The following THSD7A variants were observed in gnomAD, a reference collection of about 807,000 sequenced individuals.
The protein encoded by THSD7A is thrombospondin type-1 domain-containing protein 7A.
THSD7A carries 96 observed loss-of-function variants against 231.3 expected under a neutral mutation model. That is an observed-to-expected ratio of 0.41 (90% confidence interval 0.35 to 0.49). The LOEUF is 0.49. THSD7A is among the 20% of genes least tolerant of loss of function. THSD7A has a pLI of 0.05. For synonymous variants in THSD7A, 940 were observed against 743.3 expected, an observed-to-expected ratio of 1.26 and a Z score of -4.30; for missense variants, 2,290 against 2,070.2, an observed-to-expected ratio of 1.11 and a Z score of -2.06.
chr7:11,700,641 T>A (rs1161654738), intron 1 of THSD7A, among the ~76,000 whole-genome samples: 1 of 151,212 alleles, frequency 6.6e-6, no homozygotes, highest in Non-Finnish European at 1.5e-5. Context: ...TGAAAGTAGA[T>A]GAAGAACTAA....
intron 4 of THSD7A, among the ~76,000 whole-genome samples, chr7:11,544,042 TA>T (rs967229874): frequency 1.3e-5 from 2 of 151,924 alleles, no homozygotes; most frequent in African/African-American, 2.4e-5. Context: ...GCTTTTGTTT[TA>T]AAAAAAAATC....
At chr7:11,501,644 A>T (rs1787340472) in intron 6 of THSD7A, among the ~76,000 whole-genome samples, 1 of 152,202 alleles carries the variant, frequency 6.6e-6, no homozygotes, top group Non-Finnish European at 1.5e-5. Flanking sequence ...TTAAGAGGAA[A>T]ATTCATAGCA....
At chr7:11,749,921 G>C (rs1273128439) in intron 1 of THSD7A, among the ~76,000 whole-genome samples, 8 of 151,998 alleles carry the variant, frequency 5.3e-5, no homozygotes, top group Admixed American at 5.3e-4. Context: ...TCACCACTGA[G>C]GCTGTATGAA....
intron 16 of THSD7A, among the ~76,000 whole-genome samples, chr7:11,421,980 G>GT (rs1562596896): frequency 6.6e-6 from 1 of 152,078 alleles, no homozygotes; most frequent in Admixed American, 6.6e-5. Flanking sequence ...AAATTCCTTT[G>GT]TTTTCTCCAA....
chr7:11,809,167 T>TA (rs1784467627), intron 1 of THSD7A, among the ~76,000 whole-genome samples: 1 of 152,144 alleles, frequency 6.6e-6, no homozygotes, highest in African/African-American at 2.4e-5. Flanking sequence ...AGTCCACATT[T>TA]AAATGATAAG....
At chr7:11,598,086 T>C (rs1780428523) in intron 2 of THSD7A, among the ~76,000 whole-genome samples, 1 of 152,116 alleles carries the variant, frequency 6.6e-6, no homozygotes, top group Non-Finnish European at 1.5e-5. Flanking sequence ...TGAAGGGAAA[T>C]CTTACCAGTG....
chr7:11,790,764 A>G (rs1783929076), intron 1 of THSD7A, among the ~76,000 whole-genome samples: 1 of 152,016 alleles, frequency 6.6e-6, no homozygotes, highest in African/African-American at 2.4e-5. Context: ...ATATAATTAC[A>G]AGTTTATAAA....
intron 1 of THSD7A, among the ~76,000 whole-genome samples, chr7:11,691,926 A>T (rs983391514): frequency 6.6e-6 from 1 of 151,572 alleles, no homozygotes; most frequent in Non-Finnish European, 1.5e-5. Context: ...CCAAATAATA[A>T]TTCAAAAATA....
At chr7:11,468,214 G>A (rs940459567) in intron 9 of THSD7A, among the ~76,000 whole-genome samples, 3 of 151,980 alleles carry the variant, frequency 2.0e-5, no homozygotes, top group African/African-American at 7.2e-5. Context: ...AAAAGATCAA[G>A]TATAAAGGCA....
rs3037777 is a variant in THSD7A at position 11,828,720 on chromosome 7, C to CATAGATAG, written c.190+3029_190+3036dup. Among the ~76,000 whole-genome samples the CATAGATAG allele has an allele frequency of 1.6e-3, 235 of 151,560 alleles. 1 individual carries two copies. Among genetic ancestry groups the CATAGATAG allele is most frequent in the Middle Eastern group, 3.5e-3 (1 of 288 alleles). On this transcript the variant is annotated intron_variant, in intron 1 of 27. Transcript: ENST00000423059. ...TGTTGTGAGTTGACTTAATAAAGCA[C>CATAGATAG]ATAGATAGATAGATAGATAGATATT... is the stretch of plus-strand genomic sequence containing the variant.
At chr7:11,469,686 A>T (rs1785854107) in intron 9 of THSD7A, among the ~76,000 whole-genome samples, 193 bp downstream of exon 9, 1 of 152,208 alleles carries the variant, frequency 6.6e-6, no homozygotes, top group Admixed American at 6.6e-5. Context: ...AGGTTTTGGC[A>T]TAAACCTCAC....
intron 1 of THSD7A, among the ~76,000 whole-genome samples, chr7:11,651,534 A>G (rs1782509123): frequency 6.7e-6 from 1 of 149,316 alleles, no homozygotes; most frequent in African/African-American, 2.5e-5. Flanking sequence ...TAGCACTACA[A>G]TGAACTATAG....
intron 1 of THSD7A, among the ~76,000 whole-genome samples, chr7:11,716,561 A>C (rs767865450): frequency 6.6e-6 from 1 of 151,546 alleles, no homozygotes; most frequent in Non-Finnish European, 1.5e-5. Flanking sequence ...CTCAGCTCTG[A>C]CCCTGGAAAA....
intron 1 of THSD7A, among the ~76,000 whole-genome samples, chr7:11,642,162 G>T (rs1157477753): frequency 6.6e-6 from 1 of 152,152 alleles, no homozygotes; most frequent in Non-Finnish European, 1.5e-5. Flanking sequence ...ATTACAATGT[G>T]ACAGTGTGCA....
chr7:11,793,533 A>T (rs896535126), intron 1 of THSD7A, among the ~76,000 whole-genome samples: 8 of 145,706 alleles, frequency 5.5e-5, no homozygotes, highest in Non-Finnish European at 7.6e-5. Context: ...ACAATCTTAG[A>T]AAATAGGTTA....
At chr7:11,747,584 G>T (rs748630346) in intron 1 of THSD7A, among the ~76,000 whole-genome samples, 1 of 151,880 alleles carries the variant, frequency 6.6e-6, no homozygotes, top group Non-Finnish European at 1.5e-5. Context: ...CAAGCTCTGT[G>T]TTGGATGCTT....
intron 4 of THSD7A, among the ~76,000 whole-genome samples, chr7:11,557,560 C>G (rs1789900309): frequency 6.6e-6 from 1 of 152,026 alleles, no homozygotes; most frequent in Non-Finnish European, 1.5e-5. Context: ...TGTCACAAGA[C>G]TCTAGATCTT....
Position 11,637,061 on chromosome 7 carries a change from T to A in THSD7A, c.191-100A>T. 2 of 1,094,846 alleles carry A rather than the reference T, an allele frequency of 1.8e-6. No homozygotes were observed. Among genetic ancestry groups the A allele is most frequent in the Non-Finnish European group, 2.6e-6 (2 of 769,716 alleles). 67.8% of individuals were successfully genotyped at this position (1,094,846 alleles called of 1,614,324 possible). A position where few individuals can be genotyped will look rare whatever the true frequency, so the allele number is the denominator to read the frequency against. On this transcript the variant is annotated intron_variant, in intron 1 of 27. Coordinates refer to ENST00000423059, the MANE Select transcript of THSD7A (RefSeq NM_015204.3). This position sits in a 1 kb window ranked among gnomAD's most constrained non-coding sequence, Gnocchi z 4.2. ...CCTTTCAAGACCTAGTACATTAACT[T>A]CCCTGCGGTGTTACAAAGTAGGTCT...
chr7:11,767,890 A>G (rs1783081718), intron 1 of THSD7A, among the ~76,000 whole-genome samples: 1 of 152,182 alleles, frequency 6.6e-6, no homozygotes, highest in South Asian at 2.1e-4. Flanking sequence ...ACATTCAAGG[A>G]ATAAGGACTT....
Sources: allele counts gnomAD v4.1 joint callset (sites outside exome capture counted in the v4.1 genomes callset), GRCh38; gene constraint gnomAD v4.1.1; non-coding constraint Gnocchi (gnomAD v3.1); transcripts MANE v1.5; gene names NCBI Gene and HGNC (gene_info 2026-07-23, HGNC 2026-07-21).